The following METRN variants were observed in gnomAD, a reference collection of about 807,000 sequenced individuals.
METRN encodes the protein meteorin, glial cell differentiation regulator, also known as meteorin.
In METRN, 17 loss-of-function variants were observed where a neutral mutation model predicts 17.4. The ratio of observed to expected loss-of-function variants is 0.98; its 90% CI spans 0.67 to 1.46. The LOEUF (loss-of-function observed/expected upper bound fraction) is 1.46, where lower values mean the gene tolerates loss of function less well. Among genes scored for constraint, METRN ranks in the 40% most tolerant of loss-of-function variants. The probability of loss-of-function intolerance (pLI) is 0.00; values close to 1 mark genes in which losing one functional copy is unlikely to be tolerated. For synonymous variants in METRN, 230 were observed against 210.8 expected, an observed-to-expected ratio of 1.09 and a Z score of -0.79; for missense variants, 489 against 456.2, an observed-to-expected ratio of 1.07 and a Z score of -0.65.
Position 717,305 on chromosome 16 carries a change from C to A in METRN, c.800C>A (p.Ala267Asp). 1 of 1,521,078 alleles carries A rather than the reference C, an allele frequency of 6.6e-7. No homozygotes were observed. The highest frequency in any genetic ancestry group is 8.8e-7 in the Non-Finnish European group (1 of 1,136,520). The allele number at this position is 1,521,078 out of a possible 1,614,324, so 94.2% of individuals were successfully genotyped here. Residue 267 changes from alanine (A) to aspartate (D), a missense_variant, in exon 4 of 4, where the codon GCC becomes GAC. Transcript: ENST00000568223. Reference sequence around the variant, plus strand: ...TTTGGGGAGGCCCGGCTGGGCTGTGCCCCACGATTCCAGGAGTTCCGCCGT... The same window carrying A: ...TTTGGGGAGGCCCGGCTGGGCTGTGACCCACGATTCCAGGAGTTCCGCCGT... ...SRFGEARLGC[A>D]PRFQEFRRAY...
intron 1 of METRN, 80 bp downstream of exon 1, chr16:715,473 C>G (rs1427144211): frequency 8.0e-7 from 1 of 1,255,256 alleles, no homozygotes; most frequent in Non-Finnish European, 1.0e-6. Flanking sequence ...TCGGAGCGCG[C>G]AGAGCGCTGG....
In METRN at chr16:717,682, T is replaced by G; in HGVS notation, c.*295T>G. 4.0e-5 allele frequency: 13 copies of G among 326,992 alleles called. No homozygotes were observed. Among genetic ancestry groups the G allele is most frequent in the Non-Finnish European group, 2.8e-5 (5 of 181,344 alleles). The allele number at this position is 326,992 out of a possible 1,614,324, so 20.3% of individuals were successfully genotyped here. A position where few individuals can be genotyped will look rare whatever the true frequency, so the allele number is the denominator to read the frequency against. On this transcript the variant is annotated 3_prime_UTR_variant, in exon 4 of 4. Coordinates refer to ENST00000568223, the MANE Select transcript of METRN (RefSeq NM_024042.4). ...ATTCCGGGGAGGGGCCGCTGCTGGG[T>G]GGGGGGCACGTGGGGACCTGCACTC... is the stretch of plus-strand genomic sequence containing the variant.
Position 715,969 on chromosome 16 carries a change from G to T in METRN, c.490G>T (p.Gly164Cys). 6.7e-7 allele frequency: 1 copy of T among 1,496,890 alleles called. No individual in the cohort carries two copies. The highest frequency in any genetic ancestry group is 2.2e-5 in the Admixed American group (1 of 45,102). The allele number at this position is 1,496,890 out of a possible 1,614,324, so 92.7% of individuals were successfully genotyped here. Residue 164 changes from glycine to cysteine, a missense_variant, in exon 2 of 4, where the codon GGT becomes TGT. Coordinates refer to ENST00000568223, the MANE Select transcript of METRN (RefSeq NM_024042.4). ...GRPELPPQAH[G>C]LGVDGACRPC... Reference sequence around the variant, plus strand: ...CCCCGAGCTGCCCCCGCAGGCCCACGGTCTCGGCGTAGACGGTGAGTGGCG... The same window carrying T: ...CCCCGAGCTGCCCCCGCAGGCCCACTGTCTCGGCGTAGACGGTGAGTGGCG...
rs983177846 is a variant in METRN at position 718,863 on chromosome 16, C to G, written c.*1476C>G. 6.6e-6 allele frequency: 1 copy of G among 152,424 alleles called. No homozygotes were observed. The highest frequency in any genetic ancestry group is 2.4e-5 in the African/African-American group (1 of 41,442). 9.4% of individuals were successfully genotyped at this position (152,424 alleles called of 1,614,324 possible). On this transcript the variant is annotated 3_prime_UTR_variant, in exon 4 of 4. Transcript: ENST00000568223. Reference sequence around the variant, plus strand: ...GCCTCCAATAACCCTTGGACAACCTCCACTTTTTCATCTTCAGCCCTGACC... The same window carrying G: ...GCCTCCAATAACCCTTGGACAACCTGCACTTTTTCATCTTCAGCCCTGACC...
rs552436801 is a variant in METRN, at chr16:718,466, C to T, written c.*1079C>T. 2 of 152,396 alleles carry T rather than the reference C, an allele frequency of 1.3e-5. No individual in the cohort carries two copies. Among genetic ancestry groups the T allele is most frequent in the South Asian group, 2.1e-4 (1 of 4,830 alleles). 9.4% of individuals were successfully genotyped at this position (152,396 alleles called of 1,614,324 possible). On this transcript the variant is annotated 3_prime_UTR_variant, in exon 4 of 4. Coordinates refer to ENST00000568223, the MANE Select transcript of METRN (RefSeq NM_024042.4). ...AGGCCCTGCCCAGGCAGATGAAGCC[C>T]CCAGCTTTCAAGGGGGAAACTGAGG...
In METRN at chr16:717,090, T is replaced by C. The variant is rs138612527; in HGVS notation, c.585T>C (p.His195=). The change falls in exon 4 of 4, where the codon CAT becomes CAC. Residue 195 remains histidine (H), a synonymous_variant. Transcript: ENST00000568223. The part of the protein sequence containing the change: ...TSDFVIHGII[H]GVTHDVELQE... ...CCACAGTAATTCACGGGATCATCCA[T>C]GGGGTCACCCATGACGTGGAGCTGC... 99 of 1,609,806 alleles carry C rather than the reference T, an allele frequency of 6.1e-5. No individual in the cohort carries two copies. In the African/African-American group the frequency reaches 1.2e-3, roughly 20 times the overall value.
Position 717,420 on chromosome 16 carries a change from G to T in METRN, c.*33G>T, listed in dbSNP as rs1394600127. On this transcript the variant is annotated 3_prime_UTR_variant, in exon 4 of 4. Coordinates refer to ENST00000568223, the MANE Select transcript of METRN (RefSeq NM_024042.4). The stretch of plus-strand genomic sequence containing the variant: ...GGTGCTGGGGAGGGGCTGGTAGGAG[G>T]GAGGGTGGGCCCACTGCTTTGGAGG... The T allele has an allele frequency of 2.9e-6, 4 of 1,360,166 alleles. No individual in the cohort carries two copies. The highest frequency in any genetic ancestry group is 1.7e-5 in the South Asian group (1 of 60,462). 84.3% of individuals were successfully genotyped at this position (1,360,166 alleles called of 1,614,324 possible).
Position 717,427 on chromosome 16 carries a change from G to A in METRN, c.*40G>A, listed in dbSNP as rs111311045. On this transcript the variant is annotated 3_prime_UTR_variant, in exon 4 of 4. Coordinates refer to ENST00000568223, the MANE Select transcript of METRN (RefSeq NM_024042.4). The stretch of plus-strand genomic sequence containing the variant: ...GGGAGGGGCTGGTAGGAGGGAGGGT[G>A]GGCCCACTGCTTTGGAGGTGATGGG... 1.6e-6 allele frequency: 2 copies of A among 1,286,234 alleles called. No homozygotes were observed. Among genetic ancestry groups the A allele is most frequent in the Non-Finnish European group, 2.0e-6 (2 of 1,009,178 alleles). The allele number at this position is 1,286,234 out of a possible 1,614,324, so 79.7% of individuals were successfully genotyped here. A position where few individuals can be genotyped will look rare whatever the true frequency, so the allele number is the denominator to read the frequency against.
At position 717,245 on chromosome 16, in the gene METRN, G is replaced by T; in HGVS notation, c.740G>T (p.Gly247Val). The T allele has an allele frequency of 6.4e-7, 1 of 1,573,410 alleles. No individual in the cohort carries two copies. The highest frequency in any genetic ancestry group is 2.3e-5 in the East Asian group (1 of 42,812). ...RTPLRCGVHP[G>V]PGTFLFMGWS... Reference sequence around the variant, plus strand: ...CCACTGCGCTGTGGCGTCCACCCGGGCCCAGGCACCTTCCTCTTCATGGGC... The same window carrying T: ...CCACTGCGCTGTGGCGTCCACCCGGTCCCAGGCACCTTCCTCTTCATGGGC... The change falls in exon 4 of 4, where the codon GGC becomes GTC. Residue 247 changes from glycine (G) to valine (V), a missense_variant. Coordinates refer to ENST00000568223, the MANE Select transcript of METRN (RefSeq NM_024042.4).
intron 1 of METRN, 23 bp from the exon 2 acceptor site, chr16:715,561 G>A: frequency 2.3e-6 from 3 of 1,302,772 alleles, no homozygotes; most frequent in Non-Finnish European, 2.9e-6. Context: ...CCGTCTCAGC[G>A]CCCCGTCCCG....
chr16:716,009 G>C (rs927845093), intron 2 of METRN, 25 bp downstream of exon 2: 45 of 1,444,046 alleles, frequency 3.1e-5, no homozygotes, highest in Non-Finnish European at 4.1e-5. Flanking sequence ...GGTTGGGACA[G>C]GGTGGGAGTC....
Position 715,386 on chromosome 16 carries a change from A to G in METRN, c.97A>G (p.Arg33Gly). Residue 33 changes from arginine to glycine, a missense_variant, in exon 1 of 4, where the codon AGG becomes GGG. Transcript: ENST00000568223. ...AGYSEERCSW[R>G]GSGLTQEPGS... is the part of the protein sequence containing the mutation. ...CTACTCCGAGGAGCGCTGCAGCTGG[A>G]GGGGCAGGTACGGTCCGGGGGGCTG... 1.5e-6 allele frequency: 2 copies of G among 1,326,524 alleles called. No homozygotes were observed. The highest frequency in any genetic ancestry group is 1.9e-5 in the South Asian group (1 of 52,498). The allele number at this position is 1,326,524 out of a possible 1,614,324, so 82.2% of individuals were successfully genotyped here. A position where few individuals can be genotyped will look rare whatever the true frequency, so the allele number is the denominator to read the frequency against.
chr16:717,359 T>A lies in METRN; in HGVS notation c.854T>A (p.Leu285His). 7.3e-7 allele frequency: 1 copy of A among 1,364,608 alleles called. No homozygotes were observed. The highest frequency in any genetic ancestry group is 9.4e-7 in the Non-Finnish European group (1 of 1,058,372). 84.5% of individuals were successfully genotyped at this position (1,364,608 alleles called of 1,614,324 possible). A position where few individuals can be genotyped will look rare whatever the true frequency, so the allele number is the denominator to read the frequency against. ...RAYEAARAAH[L>H]HPCEVALH ...TACGAGGCTGCCCGTGCTGCCCACC[T>A]CCACCCCTGCGAGGTGGCGCTGCAC... is the stretch of plus-strand genomic sequence containing the variant. The change falls in exon 4 of 4, where the codon CTC becomes CAC. Residue 285 changes from leucine (L) to histidine (H), a missense_variant. Transcript: ENST00000568223.
At position 717,752 on chromosome 16, in the gene METRN, C is replaced by T. The variant is rs574590494; in HGVS notation, c.*365C>T. Reference sequence around the variant, plus strand: ...TGCACCCACCAGCCCCGTCCTTGCCCGCACCCTTGCCTGCTTCCCTGGCTG... The same window carrying T: ...TGCACCCACCAGCCCCGTCCTTGCCTGCACCCTTGCCTGCTTCCCTGGCTG... On this transcript the variant is annotated 3_prime_UTR_variant, in exon 4 of 4. Coordinates refer to ENST00000568223, the MANE Select transcript of METRN (RefSeq NM_024042.4). 7 of 220,704 alleles carry T rather than the reference C, an allele frequency of 3.2e-5. No individual in the cohort carries two copies. The highest frequency in any genetic ancestry group is 4.5e-5 in the African/African-American group (2 of 44,094). 13.7% of individuals were successfully genotyped at this position (220,704 alleles called of 1,614,324 possible). A position where few individuals can be genotyped will look rare whatever the true frequency, so the allele number is the denominator to read the frequency against.
In METRN at chr16:716,875, C is replaced by T. The variant is rs1180548042; in HGVS notation, c.506-58C>T. The T allele has an allele frequency of 4.7e-6, 7 of 1,503,934 alleles. No homozygotes were observed. In the South Asian group the frequency reaches 9.1e-5, roughly 20 times the overall value. The allele number at this position is 1,503,934 out of a possible 1,614,324, so 93.2% of individuals were successfully genotyped here. On this transcript the variant is annotated intron_variant, in intron 2 of 3. Transcript: ENST00000568223. ...CCGCTTGTGCGGACAAGGGACGGGG[C>T]CTGGGGTGATGCCGGGAGAGGGCAG...
chr16:716,314 C>T, intron 2 of METRN: 1 of 1,391,686 alleles, frequency 7.2e-7, no homozygotes, highest in Admixed American at 3.2e-5. Flanking sequence ...CTGTCCGGGG[C>T]TCCCTGGCCC....
chr16:716,932 G>C lies in METRN; in HGVS notation c.506-1G>C. On this transcript the variant is annotated splice_acceptor_variant, in intron 2 of 3. Transcript: ENST00000568223. LOFTEE classifies it high-confidence loss of function. Reference sequence around the variant, plus strand: ...TCCTCACCACCCCCTCTGCATGCCAGGTGCCTGCAGGCCCTGCAGCGACGC... The same window carrying C: ...TCCTCACCACCCCCTCTGCATGCCACGTGCCTGCAGGCCCTGCAGCGACGC... 6.5e-7 allele frequency: 1 copy of C among 1,547,206 alleles called. No homozygotes were observed. The highest frequency in any genetic ancestry group is 8.7e-7 in the Non-Finnish European group (1 of 1,144,112).
At chr16:716,407 T>C in intron 2 of METRN, 1 of 1,429,824 alleles carries the variant, frequency 7.0e-7, no homozygotes, top group African/African-American at 1.4e-5. Context: ...GCCGCTCGCC[T>C]CCCTGCAGGG....
chr16:717,972 A>T lies in METRN; in HGVS notation c.*585A>T, dbSNP rs1265799435. 6.6e-6 allele frequency: 1 copy of T among 152,548 alleles called. No homozygotes were observed. The highest frequency in any genetic ancestry group is 1.5e-5 in the Non-Finnish European group (1 of 68,192). 9.4% of individuals were successfully genotyped at this position (152,548 alleles called of 1,614,324 possible). On this transcript the variant is annotated 3_prime_UTR_variant, in exon 4 of 4. Transcript: ENST00000568223. ...CCCCATGGCTGCTGTGAGCCCGCAGAGTCATCCTTGGCCCCGTCCCGCCCT... is the reference window on the plus strand; with the variant it reads ...CCCCATGGCTGCTGTGAGCCCGCAGTGTCATCCTTGGCCCCGTCCCGCCCT...
Sources: gnomAD v4.1 joint callset for allele counts on GRCh38, gnomAD v4.1.1 for gene constraint, MANE v1.5 for transcripts, NCBI Gene and HGNC (gene_info 2026-07-23, HGNC 2026-07-21) for gene names.